ZBTB16: variants seen among roughly 807,000 people sequenced by gnomAD.
The protein encoded by ZBTB16 is zinc finger and BTB domain containing 16, also known as zinc finger and BTB domain-containing protein 16.
ZBTB16 carries 8 observed loss-of-function variants against 56.8 expected under a neutral mutation model. That is an observed-to-expected ratio of 0.14 (90% confidence interval 0.08 to 0.25). The LOEUF is 0.25. Among genes scored for constraint, ZBTB16 ranks in the 10% least tolerant of loss-of-function variants. The pLI is 1.00. For synonymous variants in ZBTB16, 363 were observed against 368.5 expected, an observed-to-expected ratio of 0.98 and a Z score of 0.17; for missense variants, 625 against 903.0, an observed-to-expected ratio of 0.69 and a Z score of 3.95.
At chr11:114,178,932 C>A (rs512113) in intron 3 of ZBTB16, among the ~76,000 whole-genome samples, 55,732 of 151,956 alleles carry the variant, frequency 0.37, 10,731 homozygotes, top group African/African-American at 0.49. Context: ...ACCTGTCCTC[C>A]ATCCCAGGTG....
At chr11:114,189,679 T>A (rs1453734543) in intron 4 of ZBTB16, 1 of 150,358 alleles carries the variant, frequency 6.7e-6, no homozygotes, top group Non-Finnish European at 1.5e-5. Context: ...GGCAGGAGAA[T>A]CACTTGAACC....
At chr11:114,132,803 C>T (rs988071002) in intron 2 of ZBTB16, among the ~76,000 whole-genome samples, 4 of 151,968 alleles carry the variant, frequency 2.6e-5, no homozygotes, top group Non-Finnish European at 4.4e-5. Flanking sequence ...GCTTGCTAGC[C>T]GAAATGCTAA....
intron 3 of ZBTB16, among the ~76,000 whole-genome samples, chr11:114,171,431 C>A (rs949472347): frequency 6.6e-6 from 1 of 152,222 alleles, no homozygotes; most frequent in African/African-American, 2.4e-5. Context: ...CCTTTCAGTG[C>A]CCTTTGGACG....
intron 2 of ZBTB16, among the ~76,000 whole-genome samples, chr11:114,128,176 C>T (rs1443468588): frequency 6.6e-6 from 1 of 152,336 alleles, no homozygotes; most frequent in East Asian, 1.9e-4. Context: ...ACCATTGCAG[C>T]CATGGGCGAG....
Position 114,098,257 on chromosome 11 carries a change from G to T in ZBTB16, c.1268+33689G>T, listed in dbSNP as rs118059842. 3.7e-3 allele frequency among the ~76,000 whole-genome samples: 568 copies of T among 152,268 alleles called. 21 individuals are homozygous for T. In the East Asian group the frequency reaches 0.087, roughly 23 times the overall value. ...GGAAGTTTCCTCTGCCCCCGTGGTG[G>T]TATCATAGCCAGCAGCCTCGTTCTG... On this transcript the variant is annotated intron_variant, in intron 2 of 6. Coordinates refer to ENST00000335953, the MANE Select transcript of ZBTB16 (RefSeq NM_006006.6).
intron 3 of ZBTB16, among the ~76,000 whole-genome samples, chr11:114,177,412 G>A (rs926574300): frequency 2.6e-5 from 4 of 152,088 alleles, no homozygotes; most frequent in Admixed American, 2.0e-4. Context: ...CACCATGCCC[G>A]GCTAATTTTG....
At chr11:114,093,156 T>C (rs1230090845) in intron 2 of ZBTB16, among the ~76,000 whole-genome samples, 2 of 152,112 alleles carry the variant, frequency 1.3e-5, no homozygotes, top group African/African-American at 4.8e-5. Flanking sequence ...CCCCACGTGT[T>C]TTTGCCTGTG....
chr11:114,212,118 G>C (rs1364654027), intron 4 of ZBTB16, among the ~76,000 whole-genome samples: 1 of 151,140 alleles, frequency 6.6e-6, no homozygotes, highest in Non-Finnish European at 1.5e-5. Context: ...GCACAAAACA[G>C]CTTTTTCTTT....
chr11:114,091,707 T>A (rs968472912), intron 2 of ZBTB16, among the ~76,000 whole-genome samples: 1 of 148,290 alleles, frequency 6.7e-6, no homozygotes, highest in African/African-American at 2.5e-5. Context: ...TCCTCAGACT[T>A]GCTGGGACAG....
chr11:114,127,880 C>G (rs238887), intron 2 of ZBTB16, among the ~76,000 whole-genome samples: 68,987 of 151,884 alleles, frequency 0.45, 16,186 homozygotes, highest in African/African-American at 0.56. Flanking sequence ...GGACAGCGCA[C>G]CTAAGCTCAG....
At chr11:114,227,489 A>G (rs1944353474) in intron 4 of ZBTB16, among the ~76,000 whole-genome samples, 1 of 152,250 alleles carries the variant, frequency 6.6e-6, no homozygotes, top group Admixed American at 6.5e-5. Context: ...CCTTCTCTCC[A>G]TCCAATAAAT....
At chr11:114,226,756 C>T (rs1471806283) in intron 4 of ZBTB16, among the ~76,000 whole-genome samples, 2 of 152,118 alleles carry the variant, frequency 1.3e-5, no homozygotes, top group East Asian at 1.9e-4. Context: ...ACCAGACACT[C>T]GTCTTCCTTC....
At chr11:114,131,549 G>A (rs1050809639) in intron 2 of ZBTB16, among the ~76,000 whole-genome samples, 3 of 152,092 alleles carry the variant, frequency 2.0e-5, no homozygotes, top group African/African-American at 7.2e-5. Flanking sequence ...TCCCCAGATG[G>A]CCCTCCAGTG....
At chr11:114,119,332 T>TTGTG (rs1162220339) in intron 2 of ZBTB16, among the ~76,000 whole-genome samples, 2 of 147,330 alleles carry the variant, frequency 1.4e-5, no homozygotes, top group African/African-American at 2.5e-5. Flanking sequence ...GTATACGAGT[T>TTGTG]TGTGTGTGTG....
intron 2 of ZBTB16, among the ~76,000 whole-genome samples, chr11:114,149,730 T>C (rs1266985163): frequency 6.6e-6 from 1 of 152,222 alleles, no homozygotes; most frequent in Non-Finnish European, 1.5e-5. Context: ...AATGACTGTC[T>C]AATCTCAACA....
chr11:114,179,200 A>T (rs1943188113), intron 3 of ZBTB16, among the ~76,000 whole-genome samples: 1 of 152,062 alleles, frequency 6.6e-6, no homozygotes, highest in South Asian at 2.1e-4. Flanking sequence ...TCTTCCCTGA[A>T]TCTGTGTATC....
rs7131231 is a variant in ZBTB16 at position 114,140,302 on chromosome 11, T to C, written c.1269-16035T>C. 2.5e-3 allele frequency among the ~76,000 whole-genome samples: 378 copies of C among 152,198 alleles called. 1 individual carries two copies. Among genetic ancestry groups the C allele is most frequent in the African/African-American group, 8.4e-3 (347 of 41,548 alleles). Reference sequence around the variant, plus strand: ...TTTGATTCCCACTCAGGCTGGGTGTTGAGATTGTCCTCAGGACCTGACGTG... The same window carrying C: ...TTTGATTCCCACTCAGGCTGGGTGTCGAGATTGTCCTCAGGACCTGACGTG... On this transcript the variant is annotated intron_variant, in intron 2 of 6. Coordinates refer to ENST00000335953, the MANE Select transcript of ZBTB16 (RefSeq NM_006006.6).
At chr11:114,117,095 T>G (rs1357459153) in intron 2 of ZBTB16, among the ~76,000 whole-genome samples, 1 of 152,044 alleles carries the variant, frequency 6.6e-6, no homozygotes, top group Non-Finnish European at 1.5e-5. Flanking sequence ...AGATCACTGG[T>G]TAGACCAGAG....
intron 3 of ZBTB16, among the ~76,000 whole-genome samples, chr11:114,160,803 A>G (rs187075772): frequency 2.4e-4 from 36 of 152,306 alleles, no homozygotes; most frequent in Admixed American, 9.1e-4. Flanking sequence ...TCATTAACTA[A>G]TGAGATGATC....
Sources: gnomAD v4.1 joint callset for allele counts (sites outside exome capture counted in the v4.1 genomes callset) on GRCh38, gnomAD v4.1.1 for gene constraint, MANE v1.5 for transcripts, NCBI Gene and HGNC (gene_info 2026-07-23, HGNC 2026-07-21) for gene names.